The following RPUSD4 variants were observed in gnomAD, a reference collection of about 807,000 sequenced individuals.
RPUSD4 encodes pseudouridylate synthase RPUSD4, mitochondrial.
RPUSD4 carries 37 observed loss-of-function variants against 35.4 expected under a neutral mutation model. That is an observed-to-expected ratio of 1.04 (90% CI 0.80 to 1.37). The LOEUF (loss-of-function observed/expected upper bound fraction) is 1.37. RPUSD4 is among the 40% of genes most tolerant of loss of function. The pLI, the probability that RPUSD4 is intolerant of heterozygous loss-of-function variation, is 0.00. For missense variants in RPUSD4, 507 were observed against 484.9 expected, an observed-to-expected ratio of 1.05 and a Z score of -0.43; for synonymous variants, 210 against 192.7, an observed-to-expected ratio of 1.09 and a Z score of -0.74.
At chr11:126,205,832 C>G (rs1017312601) in intron 3 of RPUSD4, 51 bp from the exon 4 acceptor site, 2 of 1,442,490 alleles carry the variant, frequency 1.4e-6, no homozygotes, top group African/African-American at 2.9e-5. Flanking sequence ...GAGAAGAACT[C>G]CTAGATTTGG....
chr11:126,205,637 G>A (rs1565316808), intron 4 of RPUSD4, 25 bp from the exon 5 acceptor site: 1 of 1,613,788 alleles, frequency 6.2e-7, no homozygotes, highest in African/African-American at 1.3e-5. Context: ...ATCAAGATAT[G>A]ATTCCCAAGG....
chr11:126,204,994 C>T (rs1949755786), intron 5 of RPUSD4, among the ~76,000 whole-genome samples: 1 of 152,182 alleles, frequency 6.6e-6, no homozygotes, highest in African/African-American at 2.4e-5. Context: ...ATAATGTTTT[C>T]AAGGTGCATC....
At chr11:126,207,300 C>A (rs1039311944) in intron 3 of RPUSD4, among the ~76,000 whole-genome samples, 3 of 152,212 alleles carry the variant, frequency 2.0e-5, no homozygotes, top group Non-Finnish European at 4.4e-5. Flanking sequence ...GTCTTAGCTA[C>A]TGTCCTAAAT....
intron 3 of RPUSD4, among the ~76,000 whole-genome samples, chr11:126,207,045 A>G (rs964151834): frequency 6.6e-6 from 1 of 152,224 alleles, no homozygotes; most frequent in African/African-American, 2.4e-5. Context: ...TGTATTTTAT[A>G]GTCTTAATAT....
At position 126,210,985 on chromosome 11, in the gene RPUSD4, T is replaced by C. The variant is rs769540405; in HGVS notation, c.260A>G (p.His87Arg). ...CAGTGCCTTAGCAAGCACGTTGGGG[T>C]GGACTCGCTGCAGCTGCCGTGTGAA... Reference protein sequence around the residue: ...VRFTRQLQRVHPNVLAKALTR... With the variant: ...VRFTRQLQRVRPNVLAKALTR... Residue 87 changes from histidine (H) to arginine (R), a missense_variant, in exon 2 of 7, where the codon CAC becomes CGC. By Grantham distance (29) the His-to-Arg change is conservative. Transcript: ENST00000298317. 1.9e-6 allele frequency: 3 copies of C among 1,614,118 alleles called. No homozygotes were observed. The African/African-American group carries it at 4.0e-5, about 22-fold the overall frequency.
At position 126,203,231 on chromosome 11, in the gene RPUSD4, A is replaced by G; in HGVS notation, c.*187T>C. On this transcript the variant is annotated 3_prime_UTR_variant, in exon 7 of 7. Transcript: ENST00000298317. ...CAGTAAATAGACTTTGTTCTCCATT[A>G]AAAGCCCTGTAGCAGCTGAGTTGCT... is the stretch of plus-strand genomic sequence containing the variant. 1 of 756,146 alleles carries G rather than the reference A, an allele frequency of 1.3e-6. No individual in the cohort carries two copies. The highest frequency in any genetic ancestry group is 2.1e-6 in the Non-Finnish European group (1 of 477,274). 46.8% of individuals were successfully genotyped at this position (756,146 alleles called of 1,614,324 possible). A position where few individuals can be genotyped will look rare whatever the true frequency, so the allele number is the denominator to read the frequency against.
At position 126,209,636 on chromosome 11, in the gene RPUSD4, G is replaced by C. The variant is rs577525831; in HGVS notation, c.442C>G (p.Leu148Val). The C allele has an allele frequency of 6.2e-7, 1 of 1,614,226 alleles. No homozygotes were observed. The highest frequency in any genetic ancestry group is 1.1e-5 in the South Asian group (1 of 91,084). The change falls in exon 3 of 7, where the codon CTG (leucine) becomes GTG (valine). Residue 148 changes from leucine (L) to valine (V), a missense_variant. Leu to Val is a conservative substitution (Grantham distance 32, BLOSUM62 1). Coordinates refer to ENST00000298317, the MANE Select transcript of RPUSD4 (RefSeq NM_032795.3). ...LHGHKAEPLHLCHRLDKETTG... is the reference protein window; with the variant it reads ...LHGHKAEPLHVCHRLDKETTG... ...GTTTCCTTGTCCAGCCGGTGGCACA[G>C]ATGCAAGGGCTCTGCCTTGTGGCCA...
In RPUSD4 at chr11:126,209,597, C is replaced by G. The variant is rs777905041; in HGVS notation, c.481G>C (p.Val161Leu). 1.2e-6 allele frequency: 2 copies of G among 1,614,260 alleles called. No homozygotes were observed. Among genetic ancestry groups the G allele is most frequent in the South Asian group, 2.2e-5 (2 of 91,086 alleles). Residue 161 changes from valine (V) to leucine (L), a missense_variant, in exon 3 of 7, where the codon GTG becomes CTG. By Grantham distance (32) the Val-to-Leu change is conservative (BLOSUM62 1). Transcript: ENST00000298317. ...GCCATGTCCTTGTCCCAAGCCAACA[C>G]CATTACACCTGTGGTTTCCTTGTCC... ...RLDKETTGVM[V>L]LAWDKDMAHQ...
chr11:126,208,156 C>T (rs1591489622), intron 3 of RPUSD4, among the ~76,000 whole-genome samples: 2 of 151,998 alleles, frequency 1.3e-5, no homozygotes, highest in Non-Finnish European at 2.9e-5. Context: ...AATGTGAGTA[C>T]TATTAAAATT....
chr11:126,205,712 C>A lies in RPUSD4; in HGVS notation c.627G>T (p.Ala209=). 1.2e-6 allele frequency: 2 copies of A among 1,613,324 alleles called. No homozygotes were observed. Among genetic ancestry groups the A allele is most frequent in the Non-Finnish European group, 1.7e-6 (2 of 1,179,492 alleles). ...VVDIPIVEKE[A]QGQQQHHKMT... is the part of the protein sequence containing the mutation. ...CCTTGTGGTGTTGCTGCTGGCCTTGCGCCTCCTTCTCCACAATGGGGATGT... is the reference window on the plus strand; with the variant it reads ...CCTTGTGGTGTTGCTGCTGGCCTTGAGCCTCCTTCTCCACAATGGGGATGT... The change falls in exon 4 of 7, where the codon GCG becomes GCT. Residue 209 remains alanine, a synonymous_variant. Coordinates refer to ENST00000298317, the MANE Select transcript of RPUSD4 (RefSeq NM_032795.3).
chr11:126,210,520 T>TACATACACAC (rs746246254), intron 2 of RPUSD4, among the ~76,000 whole-genome samples: 183 of 60,292 alleles, frequency 3.0e-3, no homozygotes, highest in African/African-American at 8.0e-3. Context: ...CCAACATACA[T>TACATACACAC]ACACACACAC....
chr11:126,203,581 G>T lies in RPUSD4; in HGVS notation c.971C>A (p.Ala324Asp), dbSNP rs754616079. 1 of 1,614,236 alleles carries T rather than the reference G, an allele frequency of 6.2e-7. No homozygotes were observed. The highest frequency in any genetic ancestry group is 8.5e-7 in the Non-Finnish European group (1 of 1,180,040). Residue 324 changes from alanine (A) to aspartate (D), a missense_variant, in exon 7 of 7, where the codon GCC (alanine) becomes GAC (aspartate). Physicochemically the swap from Ala to Asp is moderately radical, Grantham distance 126. Transcript: ENST00000298317. ...KARYIPLHLH[A>D]RQLILPALGS... The stretch of plus-strand genomic sequence containing the variant: ...CAGGGCAGGCAGGATCAGCTGCCGG[G>T]CGTGCAGGTGAAGGGGGATGTAGCG...
chr11:126,211,060 G>A lies in RPUSD4; in HGVS notation c.190-5C>T, dbSNP rs1181300716. The A allele has an allele frequency of 6.2e-7, 1 of 1,609,278 alleles. No homozygotes were observed. The highest frequency in any genetic ancestry group is 8.5e-7 in the Non-Finnish European group (1 of 1,179,592). On this transcript the variant is annotated splice_polypyrimidine_tract_variant and splice_region_variant and intron_variant, in intron 1 of 6. Coordinates refer to ENST00000298317, the MANE Select transcript of RPUSD4 (RefSeq NM_032795.3). ...CTGAACAGCGTTTGTGGACACCTAG[G>A]GAGAAAGAAGGAGCCGTGGGGAATG...
At position 126,203,023 on chromosome 11, in the gene RPUSD4, C is replaced by T. The variant is rs1949729281; in HGVS notation, c.*395G>A. The T allele has an allele frequency of 5.0e-6, 1 of 200,602 alleles. No individual in the cohort carries two copies. The highest frequency in any genetic ancestry group is 1.0e-5 in the Non-Finnish European group (1 of 96,458). 12.4% of individuals were successfully genotyped at this position (200,602 alleles called of 1,614,324 possible). A position where few individuals can be genotyped will look rare whatever the true frequency, so the allele number is the denominator to read the frequency against. The stretch of plus-strand genomic sequence containing the variant: ...TGTTCTTTCCAACCACGGGAACCTT[C>T]CTAAGAGCTCAAGAGCTTCACTGCT... On this transcript the variant is annotated 3_prime_UTR_variant, in exon 7 of 7. Coordinates refer to ENST00000298317, the MANE Select transcript of RPUSD4 (RefSeq NM_032795.3).
chr11:126,207,987 A>G (rs1415299819), intron 3 of RPUSD4, among the ~76,000 whole-genome samples: 1 of 152,226 alleles, frequency 6.6e-6, no homozygotes, highest in Non-Finnish European at 1.5e-5. Context: ...GTAAATTGAT[A>G]GCCAATATCA....
At position 126,203,430 on chromosome 11, in the gene RPUSD4, C is replaced by G. The variant is rs540361995; in HGVS notation, c.1122G>C (p.Leu374=). Residue 374 remains leucine (L), a synonymous_variant, in exon 7 of 7, where the codon CTG becomes CTC. Coordinates refer to ENST00000298317, the MANE Select transcript of RPUSD4 (RefSeq NM_032795.3). ...GCTCCCATGGTCTTCACTGTGCTCC[C>G]AGACACTTGGCTTCATTGTTCTCAT... ...DQNENNEAKC[L]GAQ The G allele has an allele frequency of 1.2e-6, 2 of 1,613,296 alleles. No homozygotes were observed. Among genetic ancestry groups the G allele is most frequent in the Non-Finnish European group, 1.7e-6 (2 of 1,180,014 alleles).
chr11:126,207,391 A>G (rs1265688086), intron 3 of RPUSD4, among the ~76,000 whole-genome samples: 1 of 152,198 alleles, frequency 6.6e-6, no homozygotes, highest in East Asian at 1.9e-4. Context: ...CAATCCCCAC[A>G]ACCACCACAC....
Position 126,210,892 on chromosome 11 carries a change from T to C in RPUSD4, c.353A>G (p.His118Arg). ...VINKPYGLPV[H>R]GGPGVQLCIT... The stretch of plus-strand genomic sequence containing the variant: ...CACCTTTCCCGCGTGGTCCTTACCA[T>C]GCACAGGGAGACCGTAGGGCTTATT... The change falls in exon 2 of 7, where the codon CAT (histidine) becomes CGT (arginine). Residue 118 changes from histidine (H) to arginine (R), a missense_variant and splice_region_variant. Coordinates refer to ENST00000298317, the MANE Select transcript of RPUSD4 (RefSeq NM_032795.3). 2 of 1,613,926 alleles carry C rather than the reference T, an allele frequency of 1.2e-6. No individual in the cohort carries two copies. Among genetic ancestry groups the C allele is most frequent in the Non-Finnish European group, 1.7e-6 (2 of 1,179,886 alleles).
intron 5 of RPUSD4, 21 bp downstream of exon 5, chr11:126,205,447 G>T (rs775910269): frequency 6.2e-7 from 1 of 1,613,748 alleles, no homozygotes; most frequent in Non-Finnish European, 8.5e-7. Context: ...TGATCCCACT[G>T]CGGAAAAGTG....
Sources: gnomAD v4.1 joint callset for allele counts (sites outside exome capture counted in the v4.1 genomes callset) on GRCh38, gnomAD v4.1.1 for gene constraint, MANE v1.5 for transcripts, NCBI Gene and HGNC (gene_info 2026-07-23, HGNC 2026-07-21) for gene names.